RAPGEF4: variants seen among roughly 807,000 people sequenced by gnomAD.
RAPGEF4 encodes the protein RAP guanine-nucleotide-exchange factor (GEF) 4.
A neutral mutation model predicts 147.9 loss-of-function variants in RAPGEF4; 66 were observed. The observed-to-expected ratio is 0.45, with a 90% CI of 0.37 to 0.55. The LOEUF is 0.55. Ranked by LOEUF, RAPGEF4 falls within the 20% of genes least tolerant of loss-of-function variation. The probability of loss-of-function intolerance (pLI) is 0.00; values close to 1 mark genes in which losing one functional copy is unlikely to be tolerated. For missense variants in RAPGEF4, 1,071 were observed against 1,257.3 expected, an observed-to-expected ratio of 0.85 and a Z score of 2.24; for synonymous variants, 419 against 442.7, an observed-to-expected ratio of 0.95 and a Z score of 0.67.
intron 4 of RAPGEF4, among the ~76,000 whole-genome samples, chr2:172,827,220 G>T (rs1239600581): frequency 1.3e-5 from 2 of 152,154 alleles, no homozygotes; most frequent in African/African-American, 4.8e-5. Context: ...ACTCTAAACA[G>T]CTGAGTCCCG....
At chr2:172,814,487 T>A (rs769722000) in intron 4 of RAPGEF4, 62 bp downstream of exon 4, 1 of 1,539,316 alleles carries the variant, frequency 6.5e-7, no homozygotes, top group Non-Finnish European at 9.0e-7. Context: ...AGCTGCCACA[T>A]GGATAATGGC....
chr2:172,812,781 G>T (rs1332446823), intron 3 of RAPGEF4, among the ~76,000 whole-genome samples: 1 of 152,218 alleles, frequency 6.6e-6, no homozygotes, highest in Non-Finnish European at 1.5e-5. Context: ...TTTCCGAAGG[G>T]TTCAGGTGAT....
At chr2:172,750,620 C>T (rs1391745241) in intron 1 of RAPGEF4, among the ~76,000 whole-genome samples, 1 of 152,126 alleles carries the variant, frequency 6.6e-6, no homozygotes. Flanking sequence ...ACAGAGGTTC[C>T]CTTTTCTCCA....
chr2:172,874,820 C>A (rs533700260), intron 4 of RAPGEF4, among the ~76,000 whole-genome samples: 67 of 152,306 alleles, frequency 4.4e-4, no homozygotes, highest in African/African-American at 1.6e-3. Context: ...GAGGAATCAC[C>A]ACACTGTCTT....
At chr2:172,921,054 G>A (rs1426690607) in intron 5 of RAPGEF4, among the ~76,000 whole-genome samples, 1 of 151,922 alleles carries the variant, frequency 6.6e-6, no homozygotes, top group Non-Finnish European at 1.5e-5. Flanking sequence ...CACCCCTCCT[G>A]CATTCTGTAC....
At chr2:172,926,006 G>C in intron 6 of RAPGEF4, among the ~76,000 whole-genome samples, 1 of 103,030 alleles carries the variant, frequency 9.7e-6, no homozygotes, top group South Asian at 4.5e-4. Flanking sequence ...GGAAGGGAAA[G>C]AAAGGACGGA....
intron 6 of RAPGEF4, among the ~76,000 whole-genome samples, chr2:172,941,981 A>G (rs1687207121): frequency 6.6e-6 from 1 of 152,040 alleles, no homozygotes; most frequent in Non-Finnish European, 1.5e-5. Flanking sequence ...ATCTCTGGTC[A>G]TATATTCTTT....
intron 2 of RAPGEF4, among the ~76,000 whole-genome samples, chr2:172,796,294 A>G (rs1424750873): frequency 6.6e-6 from 1 of 152,202 alleles, no homozygotes; most frequent in Non-Finnish European, 1.5e-5. Context: ...TCTACCATTA[A>G]TATTTTGTGG....
chr2:173,046,447 A>G (rs1381626722), intron 29 of RAPGEF4, among the ~76,000 whole-genome samples: 2 of 152,176 alleles, frequency 1.3e-5, no homozygotes, highest in Non-Finnish European at 2.9e-5. Context: ...ACCCCTGCTA[A>G]TTGTTTTATT....
In RAPGEF4 at chr2:173,017,483, C is replaced by A; in HGVS notation, c.1987C>A (p.Pro663Thr). 1 of 1,614,034 alleles carries A rather than the reference C, an allele frequency of 6.2e-7. No homozygotes were observed. The highest frequency in any genetic ancestry group is 8.5e-7 in the Non-Finnish European group (1 of 1,179,910). The change falls in exon 21 of 31, where the codon CCT becomes ACT. Residue 663 changes from proline (P) to threonine (T), a missense_variant. Coordinates refer to ENST00000397081, the MANE Select transcript of RAPGEF4 (RefSeq NM_007023.4). ...TGDERAQKRQPIRGSDEVLFK... is the reference protein window; with the variant it reads ...TGDERAQKRQTIRGSDEVLFK... ...CGATGAGAGAGCCCAGAAGCGCCAG[C>A]CTATCCGCGGCTCTGATGAAGGTGA...
chr2:172,878,887 G>A (rs918807279), intron 4 of RAPGEF4, among the ~76,000 whole-genome samples: 2 of 152,218 alleles, frequency 1.3e-5, no homozygotes, highest in African/African-American at 4.8e-5. Flanking sequence ...GATTGGCAGT[G>A]ATGGAAGTAA....
At chr2:173,030,473 G>A (rs1342077518) in intron 26 of RAPGEF4, among the ~76,000 whole-genome samples, 1 of 152,206 alleles carries the variant, frequency 6.6e-6, no homozygotes, top group East Asian at 1.9e-4. Context: ...GGGAGATGAG[G>A]AGATGTCTAC....
At chr2:173,039,591 A>G (rs1684495996) in intron 29 of RAPGEF4, among the ~76,000 whole-genome samples, 1 of 152,138 alleles carries the variant, frequency 6.6e-6, no homozygotes, top group African/African-American at 2.4e-5. Flanking sequence ...CCACACTCCA[A>G]CCACAGGGAA....
rs530407544 is a variant in RAPGEF4, at chr2:172,766,381, G to A, written c.66-28644G>A. On this transcript the variant is annotated intron_variant, in intron 1 of 30. Transcript: ENST00000397081. ...AGCCTAGCCAATACAGCGAAACCCC[G>A]TCTCTACTAAAAATACTAAAATTAG... 5.5e-4 allele frequency among the ~76,000 whole-genome samples: 83 copies of A among 152,154 alleles called. No individual in the cohort carries two copies. The East Asian group carries it at 0.012, about 21-fold the overall frequency.
chr2:172,925,295 A>T (rs924036455), intron 6 of RAPGEF4, among the ~76,000 whole-genome samples: 1 of 152,200 alleles, frequency 6.6e-6, no homozygotes, highest in Admixed American at 6.5e-5. Context: ...TTTAACTTTT[A>T]ATAAAATATG....
At chr2:172,875,341 G>A (rs1695778609) in intron 4 of RAPGEF4, among the ~76,000 whole-genome samples, 1 of 151,982 alleles carries the variant, frequency 6.6e-6, no homozygotes, top group South Asian at 2.1e-4. Context: ...GTCCTGAATG[G>A]TATTGCCTAG....
chr2:172,878,186 T>A (rs1378063461), intron 4 of RAPGEF4, among the ~76,000 whole-genome samples: 2 of 152,208 alleles, frequency 1.3e-5, no homozygotes, highest in Non-Finnish European at 2.9e-5. Flanking sequence ...ATGGGGGAAG[T>A]GATGCTGTGG....
At chr2:172,974,663 A>T (rs1402175855) in intron 10 of RAPGEF4, among the ~76,000 whole-genome samples, 1 of 152,226 alleles carries the variant, frequency 6.6e-6, no homozygotes, top group African/African-American at 2.4e-5. Context: ...AGCCTGGGCA[A>T]CAGAGTGAGA....
At chr2:172,754,895 T>C (rs1284130774) in intron 1 of RAPGEF4, among the ~76,000 whole-genome samples, 1 of 151,984 alleles carries the variant, frequency 6.6e-6, no homozygotes, top group Non-Finnish European at 1.5e-5. Context: ...TACAAAAAAT[T>C]AGCTGGGCCT....
Sources: allele counts gnomAD v4.1 joint callset (sites outside exome capture counted in the v4.1 genomes callset), GRCh38; gene constraint gnomAD v4.1.1; transcripts MANE v1.5; gene names NCBI Gene and HGNC (gene_info 2026-07-23, HGNC 2026-07-21).